The following CAPN6 variants were observed in gnomAD, a reference collection of about 807,000 sequenced individuals.
CAPN6 encodes calpain 6.
CAPN6 carries 16 observed loss-of-function variants against 46.0 expected under a neutral mutation model. The observed-to-expected ratio is 0.35, with a 90% CI of 0.24 to 0.53. The LOEUF is 0.53. Among genes scored for constraint, CAPN6 ranks in the 20% least tolerant of loss-of-function variants. CAPN6 has a pLI of 0.94. For missense variants in CAPN6, 461 were observed against 498.0 expected (o/e 0.93, Z 0.71); for synonymous variants, 206 against 172.8 (o/e 1.19, Z -1.51).
chrX:111,260,625 A>G (rs1346183955), intron 2 of CAPN6, among the ~76,000 whole-genome samples: 1 of 111,709 alleles, frequency 9.0e-6, no homozygotes, highest in African/African-American at 3.3e-5. Flanking sequence ...TCCTGATGGG[A>G]GGCCAGAGAA....
chrX:111,262,968 T>C (rs1458955642), intron 2 of CAPN6, among the ~76,000 whole-genome samples: 1 of 111,969 alleles, frequency 8.9e-6, no homozygotes, highest in African/African-American at 3.2e-5. Flanking sequence ...CCATGAAAAA[T>C]TCATCTTCTC....
At chrX:111,254,633 A>C (rs1239047316) in intron 2 of CAPN6, among the ~76,000 whole-genome samples, 1 of 111,094 alleles carries the variant, frequency 9.0e-6, no homozygotes. Context: ...ATGAAAGGAG[A>C]GGGTGTCATG....
chrX:111,248,054 C>T (rs573395853), intron 10 of CAPN6, 62 bp from the exon 11 acceptor site: 51 of 1,085,975 alleles, frequency 4.7e-5, no homozygotes, highest in South Asian at 4.7e-4. Flanking sequence ...GAAATAAGCC[C>T]GCCAAAGCAG....
At chrX:111,262,100 T>TA (rs762185482) in intron 2 of CAPN6, among the ~76,000 whole-genome samples, 3,419 of 104,983 alleles carry the variant, frequency 0.033, 72 homozygotes, top group Non-Finnish European at 0.052. Flanking sequence ...TTTTTGCAAA[T>TA]AAAAAAAAAA....
rs1258448860 is a variant in CAPN6 at position 111,248,596 on chromosome X, A to G, written c.1457T>C (p.Ile486Thr). The G allele has an allele frequency of 1.7e-6, 2 of 1,209,331 alleles. No individual in the cohort carries two copies. Among genetic ancestry groups the G allele is most frequent in the Admixed American group, 4.3e-5 (2 of 46,038 alleles). ...GAGCTGGACAGGCACTTCAGAGAAG[A>G]TTCTCAGGAGAAACTCGCTGGTGCG... ...HGRTSEFLLR[I>T]FSEVPVQLRE... Residue 486 changes from isoleucine (I) to threonine (T), a missense_variant, in exon 10 of 13, where the codon ATC becomes ACC. Ile to Thr is a moderately conservative substitution (Grantham distance 89). Transcript: ENST00000324068.
chrX:111,269,722 A>T (rs184986658), intron 1 of CAPN6, among the ~76,000 whole-genome samples: 21 of 111,909 alleles, frequency 1.9e-4, no homozygotes, highest in Admixed American at 1.5e-3. Flanking sequence ...CTGGAATCAG[A>T]GGGGAACAAA....
At chrX:111,251,182 T>C in intron 7 of CAPN6, 27 bp downstream of exon 7, 1 of 1,206,098 alleles carries the variant, frequency 8.3e-7, no homozygotes. Context: ...AAGCCCCAAT[T>C]CCCTTAGTGC....
chrX:111,248,568 C>A lies in CAPN6; in HGVS notation c.1484+1G>T, dbSNP rs1011083423. Reference sequence around the variant, plus strand: ...TTGAGGGCTTGCGAAGGAAACTGAACCTGAGCTGGACAGGCACTTCAGAGA... The same window carrying A: ...TTGAGGGCTTGCGAAGGAAACTGAAACTGAGCTGGACAGGCACTTCAGAGA... On this transcript the variant is annotated splice_donor_variant, in intron 10 of 12. Coordinates refer to ENST00000324068, the MANE Select transcript of CAPN6 (RefSeq NM_014289.4). LOFTEE classifies it high-confidence loss of function. 2 of 1,202,467 alleles carry A rather than the reference C, an allele frequency of 1.7e-6. No individual in the cohort carries two copies. Among genetic ancestry groups the A allele is most frequent in the Non-Finnish European group, 2.2e-6 (2 of 889,719 alleles).
chrX:111,248,467 G>A (rs2094976370), intron 10 of CAPN6, 102 bp downstream of exon 10: 1 of 589,023 alleles, frequency 1.7e-6, no homozygotes, highest in Non-Finnish European at 2.9e-6. Flanking sequence ...ATTTAAACAA[G>A]TTGTCCCATT....
intron 1 of CAPN6, among the ~76,000 whole-genome samples, chrX:111,265,175 T>G (rs2094990854): frequency 8.9e-6 from 1 of 112,330 alleles, no homozygotes; most frequent in East Asian, 2.8e-4. Flanking sequence ...TTATAAAAAG[T>G]GAAATATTGA....
intron 2 of CAPN6, 121 bp from the exon 3 acceptor site, chrX:111,254,524 G>A: frequency 4.2e-6 from 2 of 477,821 alleles, no homozygotes; most frequent in African/African-American, 4.8e-5. Context: ...AAAATAAGTA[G>A]GATTTCCATA....
chrX:111,268,012 T>C, intron 1 of CAPN6, among the ~76,000 whole-genome samples: 1 of 111,695 alleles, frequency 9.0e-6, no homozygotes, highest in Non-Finnish European at 1.9e-5. Context: ...GAATAGTGCT[T>C]TTCATAGGTA....
chrX:111,269,269 C>A lies in CAPN6; in HGVS notation c.-16+1102G>T, dbSNP rs139857903. ...TGAATACAAAGTATTCACACACACC[C>A]AGGCACACACGTGCACATAAGCATG... On this transcript the variant is annotated intron_variant, in intron 1 of 12. Coordinates refer to ENST00000324068, the MANE Select transcript of CAPN6 (RefSeq NM_014289.4). 2.4e-3 allele frequency among the ~76,000 whole-genome samples: 274 copies of A among 111,911 alleles called. 1 individual carries two copies. The highest frequency in any genetic ancestry group is 6.8e-3 in the African/African-American group (210 of 30,793).
Position 111,249,062 on chromosome X carries a change from G to A in CAPN6, c.1159-5C>T. Reference sequence around the variant, plus strand: ...CTCAGGCACAGTGAAGATGTACTAAGGGAAAGAGACCACCACAGAGGTGAG... The same window carrying A: ...CTCAGGCACAGTGAAGATGTACTAAAGGAAAGAGACCACCACAGAGGTGAG... On this transcript the variant is annotated splice_region_variant and splice_polypyrimidine_tract_variant and intron_variant, in intron 8 of 12. Transcript: ENST00000324068. The A allele has an allele frequency of 8.3e-7, 1 of 1,210,355 alleles. No individual in the cohort carries two copies. Among genetic ancestry groups the A allele is most frequent in the Non-Finnish European group, 1.1e-6 (1 of 894,823 alleles).
In CAPN6 at chrX:111,246,176, C is replaced by G; in HGVS notation, c.*401G>C. 7.9e-6 allele frequency: 1 copy of G among 127,071 alleles called. No individual in the cohort carries two copies. The highest frequency in any genetic ancestry group is 2.4e-4 in the East Asian group (1 of 4,131). 10.5% of individuals were successfully genotyped at this position (127,071 alleles called of 1,213,427 possible). Reference sequence around the variant, plus strand: ...CAGGAGCTAGGATGTCAGGCTAGACCAGCTTGGCCTTGATCAGCCCTCCTC... The same window carrying G: ...CAGGAGCTAGGATGTCAGGCTAGACGAGCTTGGCCTTGATCAGCCCTCCTC... On this transcript the variant is annotated 3_prime_UTR_variant, in exon 13 of 13. Coordinates refer to ENST00000324068, the MANE Select transcript of CAPN6 (RefSeq NM_014289.4).
Position 111,248,664 on chromosome X carries a change from C to T in CAPN6, c.1389G>A (p.Lys463=), listed in dbSNP as rs1403600788. The T allele has an allele frequency of 1.7e-6, 2 of 1,207,935 alleles. No homozygotes were observed. The highest frequency in any genetic ancestry group is 2.2e-6 in the Non-Finnish European group (2 of 894,230). The change falls in exon 10 of 13, where the codon AAG becomes AAA. Residue 463 remains lysine (K), a synonymous_variant. Coordinates refer to ENST00000324068, the MANE Select transcript of CAPN6 (RefSeq NM_014289.4). ...TTGGGACAAGCACATAGTTGCCCTT[C>T]TTCAGGTACTTGCTCAGAAACACTG... ...TRTVFLSKYL[K]KGNYVLVPTM...
intron 10 of CAPN6, 69 bp from the exon 11 acceptor site, chrX:111,248,061 G>A (rs1470249235): frequency 2.9e-6 from 3 of 1,036,825 alleles, no homozygotes; most frequent in Non-Finnish European, 2.7e-6. Flanking sequence ...GCCCGCCAAA[G>A]CAGACATCAT....
chrX:111,246,329 C>A lies in CAPN6; in HGVS notation c.*248G>T, dbSNP rs1039312841. 5.6e-6 allele frequency: 2 copies of A among 357,102 alleles called. No homozygotes were observed. Among genetic ancestry groups the A allele is most frequent in the Non-Finnish European group, 9.7e-6 (2 of 207,072 alleles). The allele number at this position is 357,102 out of a possible 1,213,427, so 29.4% of individuals were successfully genotyped here. A position where few individuals can be genotyped will look rare whatever the true frequency, so the allele number is the denominator to read the frequency against. On this transcript the variant is annotated 3_prime_UTR_variant, in exon 13 of 13. Coordinates refer to ENST00000324068, the MANE Select transcript of CAPN6 (RefSeq NM_014289.4). ...CCCCCGGAAGCCCCAGAGATCCTTT[C>A]TTGGCAAATGTGTATGATGTCTAGA...
chrX:111,248,693 G>A lies in CAPN6; in HGVS notation c.1360C>T (p.Arg454Cys), dbSNP rs1180439832. 9.9e-6 allele frequency: 12 copies of A among 1,210,278 alleles called. No individual in the cohort carries two copies. The highest frequency in any genetic ancestry group is 1.3e-5 in the Non-Finnish European group (12 of 894,517). The change falls in exon 10 of 13, where the codon CGC becomes TGC. Residue 454 changes from arginine to cysteine, a missense_variant. Arg to Cys is a radical substitution (Grantham distance 180). Coordinates refer to ENST00000324068, the MANE Select transcript of CAPN6 (RefSeq NM_014289.4). ...AGGTACTTGCTCAGAAACACTGTGC[G>A]GGTGTCAATATAGGTGGAAGTCCCA... ...RAGTSTYIDT[R>C]TVFLSKYLKK...
Sources: gnomAD v4.1 joint callset for allele counts (sites outside exome capture counted in the v4.1 genomes callset) on GRCh38, gnomAD v4.1.1 for gene constraint, MANE v1.5 for transcripts, NCBI Gene and HGNC (gene_info 2026-07-23, HGNC 2026-07-21) for gene names.